Variants in SAV1 observed in about 807,000 individuals in gnomAD.
SAV1 encodes protein salvador homolog 1.
In SAV1, 23 loss-of-function variants were observed where a neutral mutation model predicts 47.3. The ratio of observed to expected loss-of-function variants is 0.49; its 90% CI spans 0.35 to 0.69. The LOEUF is 0.69. Among genes scored for constraint, SAV1 ranks in the 30% least tolerant of loss-of-function variants. The pLI is 0.01. For missense variants in SAV1, 448 were observed against 457.4 expected (o/e 0.98, Z 0.19); for synonymous variants, 155 against 159.2 (o/e 0.97, Z 0.20).
At chr14:50,652,968 T>C (rs978965840) in intron 2 of SAV1, among the ~76,000 whole-genome samples, 16 of 151,730 alleles carry the variant, frequency 1.1e-4, no homozygotes, top group African/African-American at 3.6e-4. Context: ...GAGGTGGAGG[T>C]TGCAATGAGC....
chr14:50,646,803 T>C (rs571252755), intron 2 of SAV1, among the ~76,000 whole-genome samples: 28 of 152,272 alleles, frequency 1.8e-4, no homozygotes, highest in Non-Finnish European at 2.9e-4. Context: ...AACAATTTTT[T>C]TGAAAAAGGG....
intron 2 of SAV1, chr14:50,662,875 A>G (rs1330946506): frequency 6.6e-6 from 1 of 152,232 alleles, no homozygotes; most frequent in Non-Finnish European, 1.5e-5. Flanking sequence ...CTCCAGATTT[A>G]AAACCGCTGG....
intron 2 of SAV1, among the ~76,000 whole-genome samples, chr14:50,650,020 A>C (rs769255165): frequency 6.6e-6 from 1 of 152,230 alleles, no homozygotes; most frequent in African/African-American, 2.4e-5. Flanking sequence ...GTTTACCTTT[A>C]AAGAAAGGCA....
At chr14:50,641,500 T>C (rs755307421) in intron 3 of SAV1, among the ~76,000 whole-genome samples, 8 of 152,142 alleles carry the variant, frequency 5.3e-5, no homozygotes, top group East Asian at 1.9e-4. Flanking sequence ...TGAAGGTTAA[T>C]AGCTGAACTC....
chr14:50,661,666 C>G (rs1185290448), intron 2 of SAV1, among the ~76,000 whole-genome samples: 2 of 152,112 alleles, frequency 1.3e-5, no homozygotes, highest in Admixed American at 6.5e-5. Context: ...TCCAATTTTC[C>G]CAGCATCGTT....
intron 3 of SAV1, among the ~76,000 whole-genome samples, chr14:50,644,524 G>T (rs2039704438): frequency 6.6e-6 from 1 of 151,648 alleles, no homozygotes; most frequent in Non-Finnish European, 1.5e-5. Flanking sequence ...TAAGAACAAT[G>T]ATCTTGTTTT....
intron 4 of SAV1, 21 bp from the exon 5 acceptor site, chr14:50,635,405 A>AGTTAC: frequency 6.3e-7 from 1 of 1,587,758 alleles, no homozygotes; most frequent in Non-Finnish European, 8.6e-7. Context: ...ACACAATCAT[A>AGTTAC]TATATGTTCA....
chr14:50,648,702 C>T (rs1218090654), intron 2 of SAV1, among the ~76,000 whole-genome samples: 1 of 151,758 alleles, frequency 6.6e-6, no homozygotes, highest in African/African-American at 2.4e-5. Flanking sequence ...GGCGTGAACC[C>T]GGGAGGCGGA....
intron 2 of SAV1, among the ~76,000 whole-genome samples, chr14:50,656,527 C>A (rs1486587978): frequency 6.7e-6 from 1 of 148,910 alleles, no homozygotes; most frequent in Non-Finnish European, 1.5e-5. Flanking sequence ...ACTGCAAGCT[C>A]TGCCTCCTGG....
rs200167289 is a variant in SAV1, at chr14:50,644,755, G to A, written c.795C>T (p.Pro265=). Residue 265 remains proline (P), a synonymous_variant, in exon 3 of 5, where the codon CCC becomes CCT. Transcript: ENST00000324679. Reference sequence around the variant, plus strand: ...AGTTGATACTGTACCTAGGAGCACAGGGATGCCTGTATTGGGCCTTCTTAT... The same window carrying A: ...AGTTGATACTGTACCTAGGAGCACAAGGATGCCTGTATTGGGCCTTCTTAT... The part of the protein sequence containing the change: ...HTNKKAQYRH[P]CAPSVPRYDQ... 4 of 1,613,718 alleles carry A rather than the reference G, an allele frequency of 2.5e-6. No homozygotes were observed. The East Asian group carries it at 8.9e-5, about 36-fold the overall frequency.
intron 4 of SAV1, among the ~76,000 whole-genome samples, chr14:50,638,588 T>A (rs1239956252): frequency 6.6e-6 from 1 of 152,032 alleles, no homozygotes; most frequent in Non-Finnish European, 1.5e-5. Flanking sequence ...CACTCCTCCC[T>A]CTTTTTCACC....
At chr14:50,661,827 T>C (rs1412900454) in intron 2 of SAV1, among the ~76,000 whole-genome samples, 1 of 152,222 alleles carries the variant, frequency 6.6e-6, no homozygotes, top group African/African-American at 2.4e-5. Flanking sequence ...ATTATTGTGG[T>C]TACTATAGCC....
At chr14:50,655,133 T>TA (rs1465004190) in intron 2 of SAV1, among the ~76,000 whole-genome samples, 1 of 152,136 alleles carries the variant, frequency 6.6e-6, no homozygotes, top group African/African-American at 2.4e-5. Flanking sequence ...AAAGAGAAAA[T>TA]ATTTAAACAG....
chr14:50,639,957 G>A (rs1340212996), intron 4 of SAV1, among the ~76,000 whole-genome samples: 2 of 152,138 alleles, frequency 1.3e-5, no homozygotes, highest in Non-Finnish European at 1.5e-5. Context: ...GAAAGAAAAT[G>A]CCATCTGCTA....
intron 2 of SAV1, 129 bp from the exon 3 acceptor site, chr14:50,645,143 C>T (rs1176122462): frequency 1.3e-6 from 1 of 767,608 alleles, no homozygotes. Context: ...TGATTATGCC[C>T]ATTATGATGG....
At chr14:50,655,255 T>C (rs2039802576) in intron 2 of SAV1, among the ~76,000 whole-genome samples, 1 of 152,178 alleles carries the variant, frequency 6.6e-6, no homozygotes, top group African/African-American at 2.4e-5. Context: ...AAAAATGCTT[T>C]ACAGCCAAAA....
intron 1 of SAV1, 120 bp from the exon 2 acceptor site, chr14:50,665,739 A>G (rs1338805651): frequency 1.1e-6 from 1 of 922,908 alleles, no homozygotes; most frequent in Non-Finnish European, 1.6e-6. Flanking sequence ...AGAAAACACA[A>G]TTTTAAATTT....
intron 2 of SAV1, among the ~76,000 whole-genome samples, chr14:50,658,694 C>T (rs1015531194): frequency 2.6e-5 from 4 of 152,184 alleles, no homozygotes. Flanking sequence ...TTCAATGTTT[C>T]TGAAAATAGA....
At chr14:50,660,612 A>G (rs958979481) in intron 2 of SAV1, among the ~76,000 whole-genome samples, 1 of 152,182 alleles carries the variant, frequency 6.6e-6, no homozygotes, top group Non-Finnish European at 1.5e-5. Context: ...TATCATTTCT[A>G]TGTGTTGGGA....
Sources: allele counts gnomAD v4.1 joint callset (sites outside exome capture counted in the v4.1 genomes callset), GRCh38; gene constraint gnomAD v4.1.1; transcripts MANE v1.5; gene names NCBI Gene and HGNC (gene_info 2026-07-23, HGNC 2026-07-21).